The following MDGA2 variants were observed in gnomAD, a reference collection of about 807,000 sequenced individuals.
The protein encoded by MDGA2 is MAM domain containing glycosylphosphatidylinositol anchor 2, also known as MAM domain-containing glycosylphosphatidylinositol anchor protein 2.
A neutral mutation model predicts 117.8 loss-of-function variants in MDGA2; 40 were observed. The observed-to-expected ratio is 0.34, with a 90% CI of 0.26 to 0.44. The LOEUF (loss-of-function observed/expected upper bound fraction) is 0.44, where lower values mean the gene tolerates loss of function less well. Ranked by LOEUF, MDGA2 falls within the 20% of genes least tolerant of loss-of-function variation. MDGA2 has a pLI of 1.00. For synonymous variants in MDGA2, 452 were observed against 439.0 expected, an observed-to-expected ratio of 1.03 and a Z score of -0.37; for missense variants, 1,123 against 1,250.6, an observed-to-expected ratio of 0.90 and a Z score of 1.54.
chr14:47,594,086 AG>A (rs1896492568), intron 1 of MDGA2, among the ~76,000 whole-genome samples: 1 of 152,150 alleles, frequency 6.6e-6, no homozygotes, highest in African/African-American at 2.4e-5. Context: ...TAAATCAATC[AG>A]CGCACTTTTC....
intron 6 of MDGA2, among the ~76,000 whole-genome samples, chr14:47,080,236 A>G (rs920480465): frequency 6.6e-6 from 1 of 152,190 alleles, no homozygotes; most frequent in African/African-American, 2.4e-5. Context: ...GACATGCTAG[A>G]GACTAAGAGT....
intron 1 of MDGA2, among the ~76,000 whole-genome samples, chr14:47,325,764 G>A (rs938324113): frequency 3.3e-5 from 5 of 152,062 alleles, no homozygotes; most frequent in African/African-American, 1.2e-4. Context: ...AAGAAATAAA[G>A]CAATATATAA....
At chr14:47,205,154 A>G (rs951232698) in intron 3 of MDGA2, among the ~76,000 whole-genome samples, 5 of 151,520 alleles carry the variant, frequency 3.3e-5, no homozygotes, top group Non-Finnish European at 7.4e-5. Context: ...ATATATGTGC[A>G]TATGTATGCA....
chr14:47,136,185 AGT>A (rs1284071921), intron 4 of MDGA2, among the ~76,000 whole-genome samples: 5 of 149,814 alleles, frequency 3.3e-5, no homozygotes, highest in Admixed American at 6.7e-5. Context: ...ATTTCAAGAA[AGT>A]GTTTTCTCTC....
chr14:47,197,021 T>C (rs532276723), intron 3 of MDGA2, among the ~76,000 whole-genome samples: 67 of 152,364 alleles, frequency 4.4e-4, no homozygotes, highest in Non-Finnish European at 8.7e-4. Context: ...GACTGCATAG[T>C]ATTCCATGCT....
chr14:47,137,276 C>G (rs1040662876), intron 4 of MDGA2, among the ~76,000 whole-genome samples: 1 of 152,102 alleles, frequency 6.6e-6, no homozygotes, highest in Non-Finnish European at 1.5e-5. Flanking sequence ...AATTCTTATT[C>G]AGAGCACAGC....
chr14:47,444,353 C>G, intron 1 of MDGA2: 1 of 167,446 alleles, frequency 6.0e-6, no homozygotes, highest in Admixed American at 5.9e-5. Context: ...TCAAATTTGC[C>G]AGTGTAACCA....
intron 1 of MDGA2, among the ~76,000 whole-genome samples, chr14:47,369,413 G>C (rs1341794447): frequency 1.3e-5 from 2 of 152,058 alleles, no homozygotes; most frequent in Non-Finnish European, 2.9e-5. Flanking sequence ...AGTACTTAAA[G>C]AGAAAGAATA....
intron 7 of MDGA2, among the ~76,000 whole-genome samples, chr14:47,048,791 A>T (rs185367687): frequency 8.7e-4 from 132 of 152,202 alleles, no homozygotes; most frequent in Non-Finnish European, 1.4e-3. Context: ...ATAACTAATT[A>T]AAAAAGGAGT....
rs143668786 is a variant in MDGA2, at chr14:47,588,379, A to G, written c.280+86138T>C. 8.6e-3 allele frequency among the ~76,000 whole-genome samples: 1,301 copies of G among 151,598 alleles called. 15 individuals are homozygous for G. Among genetic ancestry groups the G allele is most frequent in the African/African-American group, 0.029 (1,214 of 41,376 alleles). On this transcript the variant is annotated intron_variant, in intron 1 of 16. Coordinates refer to ENST00000399232, the MANE Select transcript of MDGA2 (RefSeq NM_001113498.3). ...AAAACATTTTATATTTCTACCAACA[A>G]TGTATGAGGGTATCAATTTCTAACA...
At position 47,433,382 on chromosome 14, in the gene MDGA2, A is replaced by G. The variant is rs1395874939; in HGVS notation, c.281-131832T>C. ...CCTCCACCCACCTGAATTTTTGGAG[A>G]AACTACACTTTGATTACCAAAACTA... On this transcript the variant is annotated intron_variant, in intron 1 of 16. Coordinates refer to ENST00000399232, the MANE Select transcript of MDGA2 (RefSeq NM_001113498.3). Among the ~76,000 whole-genome samples the G allele has an allele frequency of 2.6e-5, 4 of 152,196 alleles. No homozygotes were observed. In the East Asian group the frequency reaches 7.7e-4, roughly 29 times the overall value.
chr14:47,535,729 T>C (rs1002698032), intron 1 of MDGA2, among the ~76,000 whole-genome samples: 1 of 152,228 alleles, frequency 6.6e-6, no homozygotes, highest in African/African-American at 2.4e-5. Context: ...AAATTTTTCA[T>C]CTTCTTTAAC....
chr14:47,004,798 T>G (rs2138505965), intron 8 of MDGA2, among the ~76,000 whole-genome samples: 1 of 151,850 alleles, frequency 6.6e-6, no homozygotes, highest in African/African-American at 2.4e-5. Context: ...TTCACATCTT[T>G]TCACAGATTT....
rs937823365 is a variant in MDGA2 at position 47,224,030 on chromosome 14, G to A, written c.421-5835C>T. Among the ~76,000 whole-genome samples the A allele has an allele frequency of 9.9e-5, 15 of 152,068 alleles. No individual in the cohort carries two copies. The South Asian group carries it at 1.0e-3, about 11-fold the overall frequency. On this transcript the variant is annotated intron_variant, in intron 2 of 16. Transcript: ENST00000399232. ...TCACTGGATCCCTTCTACCACACAC[G>A]GGGATTGTGGGAGCTACAATTCAAG...
chr14:47,508,274 G>C (rs1004152085), intron 1 of MDGA2, among the ~76,000 whole-genome samples: 6 of 151,472 alleles, frequency 4.0e-5, no homozygotes, highest in Non-Finnish European at 8.8e-5. Context: ...CTTTATTAAG[G>C]AGCATGCTTC....
At chr14:47,318,810 G>GAAGGAAGGAAGGAAGGAAGC (rs1555373010) in intron 1 of MDGA2, among the ~76,000 whole-genome samples, 1 of 149,944 alleles carries the variant, frequency 6.7e-6, no homozygotes, top group Non-Finnish European at 1.5e-5. Context: ...AGGGAGGAAA[G>GAAGGAAGGAAGGAAGGAAGC]AAGGAAGGAA....
chr14:47,494,992 T>C (rs1184646060), intron 1 of MDGA2, among the ~76,000 whole-genome samples: 3 of 151,864 alleles, frequency 2.0e-5, no homozygotes, highest in Admixed American at 6.6e-5. Flanking sequence ...AGTAGTATTC[T>C]ATAGTGTATG....
At chr14:46,853,283 T>A (rs1404163891) in intron 15 of MDGA2, among the ~76,000 whole-genome samples, 1 of 151,534 alleles carries the variant, frequency 6.6e-6, no homozygotes, top group Non-Finnish European at 1.5e-5. Context: ...TAGAAAAAAA[T>A]GAAAATGCCT....
intron 1 of MDGA2, among the ~76,000 whole-genome samples, chr14:47,665,886 C>T (rs1284310629): frequency 4.8e-5 from 7 of 145,380 alleles, no homozygotes; most frequent in South Asian, 2.3e-4. Flanking sequence ...CCCTGAGGAG[C>T]GCGGCCCCCT....
Sources: allele counts gnomAD v4.1 joint callset (sites outside exome capture counted in the v4.1 genomes callset), GRCh38; gene constraint gnomAD v4.1.1; transcripts MANE v1.5; gene names NCBI Gene and HGNC (gene_info 2026-07-23, HGNC 2026-07-21).